Variants in RABEP1 observed in about 807,000 individuals in gnomAD.
RABEP1 encodes the protein rabaptin, RAB GTPase binding effector protein 1.
RABEP1 carries 51 observed loss-of-function variants against 123.4 expected under a neutral mutation model. The observed-to-expected ratio is 0.41, with a 90% CI of 0.33 to 0.52. The LOEUF is 0.52. Ranked by LOEUF, RABEP1 falls within the 20% of genes least tolerant of loss-of-function variation. The pLI is 0.16. For missense variants in RABEP1, 888 were observed against 996.3 expected (o/e 0.89, Z 1.46); for synonymous variants, 347 against 355.2 (o/e 0.98, Z 0.26).
At chr17:5,285,560 C>G (rs1013008020) in intron 1 of RABEP1, among the ~76,000 whole-genome samples, 40 of 152,204 alleles carry the variant, frequency 2.6e-4, no homozygotes, top group Admixed American at 1.6e-3. Context: ...TGCAACTTCC[C>G]TATCTCACTT....
chr17:5,304,543 C>T (rs1245544262), intron 1 of RABEP1, among the ~76,000 whole-genome samples: 1 of 151,470 alleles, frequency 6.6e-6, no homozygotes, highest in Non-Finnish European at 1.5e-5. Context: ...GATTGCGCCA[C>T]TGCACTCCAG....
Position 5,335,164 on chromosome 17 carries a change from T to C in RABEP1, c.368-20T>C, listed in dbSNP as rs1391842633. ...TTTTTCATAATGCTTAGATGTGAAATATGTGGTGATGTTTTGTAGAAACAG... is the reference window on the plus strand; with the variant it reads ...TTTTTCATAATGCTTAGATGTGAAACATGTGGTGATGTTTTGTAGAAACAG... On this transcript the variant is annotated intron_variant, in intron 3 of 17. Coordinates refer to ENST00000537505, the MANE Select transcript of RABEP1 (RefSeq NM_004703.6). 1.3e-6 allele frequency: 2 copies of C among 1,578,838 alleles called. No individual in the cohort carries two copies. The highest frequency in any genetic ancestry group is 2.3e-5 in the South Asian group (2 of 85,394).
At chr17:5,365,639 T>A (rs1052321792) in intron 11 of RABEP1, among the ~76,000 whole-genome samples, 1 of 151,914 alleles carries the variant, frequency 6.6e-6, no homozygotes, top group African/African-American at 2.4e-5. Context: ...ACCATTGAGA[T>A]CAAGCAATAG....
chr17:5,346,883 C>G lies in RABEP1; in HGVS notation c.742C>G (p.Leu248Val). 1 of 1,606,650 alleles carries G rather than the reference C, an allele frequency of 6.2e-7. No homozygotes were observed. Among genetic ancestry groups the G allele is most frequent in the Non-Finnish European group, 8.5e-7 (1 of 1,175,552 alleles). Residue 248 changes from leucine to valine, a missense_variant, in exon 6 of 18, where the codon CTA (leucine) becomes GTA (valine). Coordinates refer to ENST00000537505, the MANE Select transcript of RABEP1 (RefSeq NM_004703.6). The stretch of plus-strand genomic sequence containing the variant: ...TGTTTTGAATACTCAGAAATCTGTT[C>G]TACAGGAAGATGCTGAGAAACTGCG... ...VAVLNTQKSV[L>V]QEDAEKLRKE...
At chr17:5,289,278 C>T (rs1210182093) in intron 1 of RABEP1, among the ~76,000 whole-genome samples, 1 of 151,022 alleles carries the variant, frequency 6.6e-6, no homozygotes, top group Non-Finnish European at 1.5e-5. Flanking sequence ...TTGTCCTTTT[C>T]TCAGTAATTT....
At chr17:5,336,539 C>T (rs780479552) in intron 4 of RABEP1, 1 of 447,616 alleles carries the variant, frequency 2.2e-6, no homozygotes, top group South Asian at 1.7e-5. Flanking sequence ...TTAGATGCCT[C>T]TTGGCTGTGA....
chr17:5,340,762 C>T (rs999694679), intron 5 of RABEP1, among the ~76,000 whole-genome samples: 14 of 151,024 alleles, frequency 9.3e-5, no homozygotes, highest in African/African-American at 1.5e-4. Context: ...GCCTGGCCAA[C>T]GTAGTGAAAC....
At chr17:5,337,948 T>C in intron 4 of RABEP1, 71 bp from the exon 5 acceptor site, 2 of 1,468,932 alleles carry the variant, frequency 1.4e-6, no homozygotes, top group Non-Finnish European at 1.8e-6. Flanking sequence ...TTTTAGCAAA[T>C]GGAAGGGTTA....
chr17:5,282,663 G>A (rs1255893469), intron 1 of RABEP1, 143 bp downstream of exon 1: 3 of 432,500 alleles, frequency 6.9e-6, no homozygotes, highest in Non-Finnish European at 9.2e-6. Context: ...GGGGCGCGCG[G>A]GCTGCGGCGC....
intron 3 of RABEP1, among the ~76,000 whole-genome samples, chr17:5,334,312 A>G (rs1419608373): frequency 1.3e-5 from 2 of 151,428 alleles, no homozygotes; most frequent in Admixed American, 6.6e-5. Flanking sequence ...GCTCACTGCA[A>G]CCTCTGCCTC....
In RABEP1 at chr17:5,335,306, G is replaced by A. The variant is rs1906966289; in HGVS notation, c.490G>A (p.Gly164Ser). The A allele has an allele frequency of 6.2e-7, 1 of 1,613,550 alleles. No individual in the cohort carries two copies. The highest frequency in any genetic ancestry group is 1.1e-5 in the South Asian group (1 of 91,046). Residue 164 changes from glycine to serine, a missense_variant, in exon 4 of 18, where the codon GGT becomes AGT. By Grantham distance (56) the Gly-to-Ser change is moderately conservative. Transcript: ENST00000537505. The part of the protein sequence containing the change: ...IADLRRRLSE[G>S]QEEENLENEM... The stretch of plus-strand genomic sequence containing the variant: ...TGATTTAAGAAGAAGGCTGTCTGAA[G>A]GTCAAGAGGAGGAAAATTTAGAAAA...
intron 2 of RABEP1, among the ~76,000 whole-genome samples, chr17:5,310,301 C>CTTTTGTTTT (rs2075224508): frequency 7.9e-6 from 1 of 126,438 alleles, no homozygotes; most frequent in African/African-American, 3.1e-5. Flanking sequence ...AAGCTTCGTC[C>CTTTTGTTTT]TTTTTTTTTT....
chr17:5,347,269 G>A (rs1008664603), intron 6 of RABEP1, among the ~76,000 whole-genome samples: 24 of 152,246 alleles, frequency 1.6e-4, no homozygotes, highest in South Asian at 2.1e-4. Flanking sequence ...AATTATCCAG[G>A]TGTGGTGATG....
At chr17:5,316,461 A>C (rs2075296541) in intron 2 of RABEP1, among the ~76,000 whole-genome samples, 1 of 145,166 alleles carries the variant, frequency 6.9e-6, no homozygotes, top group African/African-American at 2.7e-5. Context: ...AAAAAAAAAA[A>C]AAAAAAAAAA....
chr17:5,380,491 A>T, intron 16 of RABEP1, 29 bp downstream of exon 16: 1 of 1,453,980 alleles, frequency 6.9e-7, no homozygotes, highest in South Asian at 1.2e-5. Flanking sequence ...ATTTAATTTT[A>T]AAAAGCAGGG....
rs961540862 is a variant in RABEP1 at position 5,384,193 on chromosome 17, T to G, written c.*970T>G. The G allele has an allele frequency of 4.6e-5, 10 of 215,128 alleles. No individual in the cohort carries two copies. The highest frequency in any genetic ancestry group is 9.4e-5 in the Non-Finnish European group (10 of 106,854). 13.3% of individuals were successfully genotyped at this position (215,128 alleles called of 1,614,324 possible). A position where few individuals can be genotyped will look rare whatever the true frequency, so the allele number is the denominator to read the frequency against. Reference sequence around the variant, plus strand: ...TGTATTTTTCTTTTGAATTCAGACCTGGAATGTAAGTAAGTGACAATGCTT... The same window carrying G: ...TGTATTTTTCTTTTGAATTCAGACCGGGAATGTAAGTAAGTGACAATGCTT... On this transcript the variant is annotated 3_prime_UTR_variant, in exon 18 of 18. Coordinates refer to ENST00000537505, the MANE Select transcript of RABEP1 (RefSeq NM_004703.6).
At chr17:5,310,238 GA>G (rs2075223405) in intron 2 of RABEP1, among the ~76,000 whole-genome samples, 1 of 149,108 alleles carries the variant, frequency 6.7e-6, no homozygotes, top group African/African-American at 2.5e-5. Flanking sequence ...TTTTTTGCTT[GA>G]AAAGATGTGA....
chr17:5,308,852 A>T (rs372393941), intron 2 of RABEP1, 30 bp downstream of exon 2: 12 of 1,558,020 alleles, frequency 7.7e-6, no homozygotes, highest in Non-Finnish European at 8.7e-6. Flanking sequence ...ACCAACTTCA[A>T]TGCGAAAACT....
Position 5,329,551 on chromosome 17 carries a change from G to T in RABEP1, c.164-2398G>T, listed in dbSNP as rs999345040. 1.6e-4 allele frequency among the ~76,000 whole-genome samples: 24 copies of T among 152,068 alleles called. 1 individual carries two copies. Among genetic ancestry groups the T allele is most frequent in the Admixed American group, 1.1e-3 (17 of 15,270 alleles). On this transcript the variant is annotated intron_variant, in intron 2 of 17. Transcript: ENST00000537505. ...CGTCTCAAAAAAATAAATAAGCATG[G>T]CAAATCTTAATACCTTTTGAGTCTT...
Sources: allele counts gnomAD v4.1 joint callset (sites outside exome capture counted in the v4.1 genomes callset), GRCh38; gene constraint gnomAD v4.1.1; transcripts MANE v1.5; gene names NCBI Gene and HGNC (gene_info 2026-07-23, HGNC 2026-07-21).